The following KCNH7 variants were observed in gnomAD, a reference collection of about 807,000 sequenced individuals.
The protein encoded by KCNH7 is voltage-gated inwardly rectifying potassium channel KCNH7.
KCNH7 carries 49 observed loss-of-function variants against 120.8 expected under a neutral mutation model. The ratio of observed to expected loss-of-function variants is 0.41; its 90% CI spans 0.32 to 0.51. The LOEUF (loss-of-function observed/expected upper bound fraction) is 0.51. KCNH7 is among the 20% of genes least tolerant of loss of function. The pLI, the probability that KCNH7 is intolerant of heterozygous loss-of-function variation, is 0.38. For synonymous variants in KCNH7, 547 were observed against 516.1 expected (o/e 1.06, Z -0.81); for missense variants, 1,097 against 1,446.6 (o/e 0.76, Z 3.92).
rs1165187818 is a variant in KCNH7, at chr2:162,519,652, A to AAGTTAC, written c.464-1495_464-1494insGTAACT. 2.8e-4 allele frequency among the ~76,000 whole-genome samples: 43 copies of AAGTTAC among 151,960 alleles called. 1 individual carries two copies. The South Asian group carries it at 8.7e-3, about 31-fold the overall frequency. On this transcript the variant is annotated intron_variant, in intron 3 of 15. Transcript: ENST00000332142. The stretch of plus-strand genomic sequence containing the variant: ...GTATCCAAACAATAATCTGTAACCC[A>AAGTTAC]AAGCTTCTCTAAGTATGATTTACAA...
In KCNH7 at chr2:162,399,595, G is replaced by C. The variant is rs544179749; in HGVS notation, c.2407+594C>G. Among the ~76,000 whole-genome samples the C allele has an allele frequency of 4.6e-5, 7 of 151,886 alleles. No homozygotes were observed. The East Asian group carries it at 1.2e-3, about 25-fold the overall frequency. On this transcript the variant is annotated intron_variant, in intron 10 of 15. Coordinates refer to ENST00000332142, the MANE Select transcript of KCNH7 (RefSeq NM_033272.4). The stretch of plus-strand genomic sequence containing the variant: ...ATTTTTAAAGAGGCAGATTAAACAT[G>C]TGTTTTCTTTTGCACCCAAACCAGT...
At chr2:162,633,318 C>T (rs1029734019) in intron 2 of KCNH7, among the ~76,000 whole-genome samples, 5 of 151,832 alleles carry the variant, frequency 3.3e-5, no homozygotes, top group Non-Finnish European at 5.9e-5. Flanking sequence ...GTTACATGTG[C>T]CTCAGCCACC....
intron 2 of KCNH7, among the ~76,000 whole-genome samples, chr2:162,679,127 T>C (rs1685625483): frequency 6.6e-6 from 1 of 151,556 alleles, no homozygotes. Flanking sequence ...AGAGTGACTC[T>C]TTTTAGCAAA....
At chr2:162,516,563 G>A (rs1421976724) in intron 4 of KCNH7, among the ~76,000 whole-genome samples, 10 of 151,750 alleles carry the variant, frequency 6.6e-5, no homozygotes, top group Non-Finnish European at 1.5e-5. Flanking sequence ...AGCTGACAAA[G>A]TGCCTAACAC....
Position 162,394,438 on chromosome 2 carries a change from G to A in KCNH7, c.2661C>T (p.Asn887=). ...ACAATTTCCTTCTTCTTAGTTTACA[G>A]TTGTCTCCTTCTGAATCATTCATGG... The part of the protein sequence containing the change: ...SQSMNDSEGD[N]CKLRRRKLSF... Residue 887 remains asparagine (N), a synonymous_variant, in exon 12 of 16, where the codon AAC becomes AAT. Transcript: ENST00000332142. 1.2e-6 allele frequency: 2 copies of A among 1,607,430 alleles called. No individual in the cohort carries two copies. The highest frequency in any genetic ancestry group is 1.7e-6 in the Non-Finnish European group (2 of 1,174,838).
chr2:162,517,600 T>G, intron 4 of KCNH7, 130 bp downstream of exon 4: 3 of 779,064 alleles, frequency 3.9e-6, no homozygotes, highest in East Asian at 2.8e-5. Context: ...AGGACTCAGG[T>G]TTTTAATAGC....
In KCNH7 at chr2:162,577,291, G is replaced by GTCTATCTATCTATCTATCTA. The variant is rs201620270; in HGVS notation, c.308-40231_308-40212dup. Among the ~76,000 whole-genome samples the GTCTATCTATCTATCTATCTA allele has an allele frequency of 1.4e-3, 181 of 127,418 alleles. 1 individual carries two copies. Among genetic ancestry groups the GTCTATCTATCTATCTATCTA allele is most frequent in the East Asian group, 3.8e-3 (17 of 4,456 alleles). 83.6% of individuals were successfully genotyped at this position (127,418 alleles called of 152,430 possible). Reference sequence around the variant, plus strand: ...AAAGCATTAACAGATAGATCTATCTGTCTATCTATCTATCTATCTATCTAT... The same window carrying GTCTATCTATCTATCTATCTA: ...AAAGCATTAACAGATAGATCTATCTGTCTATCTATCTATCTATCTATCTATCTATCTATCTATCTATCTAT... On this transcript the variant is annotated intron_variant, in intron 2 of 15. Coordinates refer to ENST00000332142, the MANE Select transcript of KCNH7 (RefSeq NM_033272.4).
intron 12 of KCNH7, among the ~76,000 whole-genome samples, chr2:162,394,058 G>A (rs1266609450): frequency 6.6e-6 from 1 of 151,944 alleles, no homozygotes; most frequent in Non-Finnish European, 1.5e-5. Context: ...GCATGTAAGA[G>A]GATTGACCTC....
chr2:162,558,255 A>C (rs111387422), intron 2 of KCNH7, among the ~76,000 whole-genome samples: 1 of 151,800 alleles, frequency 6.6e-6, no homozygotes, highest in Non-Finnish European at 1.5e-5. Flanking sequence ...GCTCACTTCA[A>C]GCTCTGCCTC....
chr2:162,675,109 A>T (rs77272616), intron 2 of KCNH7, among the ~76,000 whole-genome samples: 1 of 151,652 alleles, frequency 6.6e-6, no homozygotes, highest in Admixed American at 6.6e-5. Context: ...AAACGAGCAG[A>T]TATTTTATAG....
intron 2 of KCNH7, among the ~76,000 whole-genome samples, chr2:162,559,573 A>G (rs916928416): frequency 6.6e-6 from 1 of 152,192 alleles, no homozygotes; most frequent in African/African-American, 2.4e-5. Context: ...CAAGACACCC[A>G]TGATCATTTT....
chr2:162,761,043 A>G (rs548607122), intron 2 of KCNH7, among the ~76,000 whole-genome samples: 1 of 152,132 alleles, frequency 6.6e-6, no homozygotes, highest in Non-Finnish European at 1.5e-5. Context: ...AGGTGGATAC[A>G]TTACAGCAAA....
At chr2:162,397,478 A>G (rs567224425) in intron 10 of KCNH7, among the ~76,000 whole-genome samples, 6 of 151,816 alleles carry the variant, frequency 4.0e-5, no homozygotes, top group Non-Finnish European at 8.8e-5. Context: ...AATATGCCCA[A>G]TTGCTTAATA....
At chr2:162,675,955 G>A (rs1046934260) in intron 2 of KCNH7, among the ~76,000 whole-genome samples, 4 of 151,398 alleles carry the variant, frequency 2.6e-5, no homozygotes, top group African/African-American at 7.3e-5. Context: ...TTATATGTCT[G>A]TTTACTGCTG....
intron 2 of KCNH7, among the ~76,000 whole-genome samples, chr2:162,676,227 G>T (rs1436741830): frequency 6.6e-6 from 1 of 151,408 alleles, no homozygotes; most frequent in Non-Finnish European, 1.5e-5. Flanking sequence ...TACCTCTAAG[G>T]CTCTGCTTCA....
intron 6 of KCNH7, among the ~76,000 whole-genome samples, chr2:162,487,939 C>T (rs1335481816): frequency 6.6e-6 from 1 of 152,208 alleles, no homozygotes; most frequent in Non-Finnish European, 1.5e-5. Flanking sequence ...TGTCCTCTGC[C>T]TAATTCTTGC....
intron 2 of KCNH7, among the ~76,000 whole-genome samples, chr2:162,804,285 G>A (rs192731975): frequency 8.0e-4 from 122 of 151,782 alleles, no homozygotes; most frequent in African/African-American, 2.6e-3. Context: ...AAGAGAAGTC[G>A]TCAAACTATC....
In KCNH7 at chr2:162,499,461, G is replaced by GA. The variant is rs202165633; in HGVS notation, c.1128+4981dup. 6.9e-3 allele frequency among the ~76,000 whole-genome samples: 1,038 copies of GA among 151,452 alleles called. 36 individuals are homozygous for GA. The South Asian group carries it at 0.098, about 14-fold the overall frequency. On this transcript the variant is annotated intron_variant, in intron 6 of 15. Transcript: ENST00000332142. ...CTTTACTGGCTGGACTGTAGTGCAG[G>GA]AAAAAAAACACACACATCTTCTGAG... is the stretch of plus-strand genomic sequence containing the variant.
chr2:162,783,578 C>G (rs780762715), intron 2 of KCNH7, among the ~76,000 whole-genome samples: 25 of 152,284 alleles, frequency 1.6e-4, no homozygotes, highest in Middle Eastern at 6.8e-3. Flanking sequence ...CCAACTTCTG[C>G]TTCCGAATGC....
Sources: gnomAD v4.1 joint callset for allele counts (sites outside exome capture counted in the v4.1 genomes callset) on GRCh38, gnomAD v4.1.1 for gene constraint, MANE v1.5 for transcripts, NCBI Gene and HGNC (gene_info 2026-07-23, HGNC 2026-07-21) for gene names.